Variants in SYNPR observed in about 807,000 individuals in gnomAD.
SYNPR encodes synaptoporin.
In SYNPR, 23 loss-of-function variants were observed where a neutral mutation model predicts 32.9. The observed-to-expected ratio is 0.70, with a 90% CI of 0.50 to 0.99. The LOEUF (loss-of-function observed/expected upper bound fraction) is 0.99, where lower values mean the gene tolerates loss of function less well. Ranked by LOEUF, SYNPR falls within the 50% of genes least tolerant of loss-of-function variation. The probability of loss-of-function intolerance (pLI) is 0.00; values close to 1 mark genes in which losing one functional copy is unlikely to be tolerated. For missense variants in SYNPR, 318 were observed against 349.3 expected (o/e 0.91, Z 0.71); for synonymous variants, 146 against 135.9 (o/e 1.07, Z -0.52).
At chr3:63,281,250 G>A (rs542070508) in intron 2 of SYNPR, among the ~76,000 whole-genome samples, 13 of 152,220 alleles carry the variant, frequency 8.5e-5, no homozygotes, top group Non-Finnish European at 1.3e-4. Flanking sequence ...ATTGTAAACC[G>A]GTAATGACAG....
At chr3:63,370,446 A>T (rs996913457) in intron 2 of SYNPR, among the ~76,000 whole-genome samples, 1 of 152,208 alleles carries the variant, frequency 6.6e-6, no homozygotes, top group Admixed American at 6.5e-5. Flanking sequence ...TGTGCCAATA[A>T]AGAATCTATT....
chr3:63,443,397 C>T, intron 2 of SYNPR: 1 of 1,590,706 alleles, frequency 6.3e-7, no homozygotes, highest in Non-Finnish European at 8.6e-7. Context: ...ATGAGACAAC[C>T]TCTATTTTCT....
intron 2 of SYNPR, among the ~76,000 whole-genome samples, chr3:63,334,993 G>C (rs930683843): frequency 1.3e-5 from 2 of 152,098 alleles, no homozygotes; most frequent in Non-Finnish European, 2.9e-5. Context: ...TGTTCTCTGG[G>C]GTACAGAGTC....
At chr3:63,414,182 G>A (rs1053673923) in intron 2 of SYNPR, among the ~76,000 whole-genome samples, 3 of 152,082 alleles carry the variant, frequency 2.0e-5, no homozygotes, top group Non-Finnish European at 4.4e-5. Context: ...AGGCAAAAAA[G>A]GCTTACAGTG....
chr3:63,285,016 C>G (rs532124791), intron 2 of SYNPR, among the ~76,000 whole-genome samples: 1 of 152,214 alleles, frequency 6.6e-6, no homozygotes, highest in Non-Finnish European at 1.5e-5. Context: ...CAACTTCATT[C>G]TCTTAAATGC....
intron 2 of SYNPR, among the ~76,000 whole-genome samples, chr3:63,338,066 A>G (rs1024160849): frequency 8.5e-5 from 13 of 152,202 alleles, no homozygotes; most frequent in Admixed American, 5.9e-4. Flanking sequence ...AATATACCAA[A>G]CCAATGGAAG....
chr3:63,442,164 A>AGTGTGTGTGTGTGTGT (rs34163380), intron 2 of SYNPR, among the ~76,000 whole-genome samples: 44 of 148,324 alleles, frequency 3.0e-4, no homozygotes, highest in African/African-American at 1.1e-3. Flanking sequence ...TGGTAGTGAT[A>AGTGTGTGTGTGTGTGT]GTGTGTGTGT....
chr3:63,479,228 T>A (rs936192501), intron 2 of SYNPR, among the ~76,000 whole-genome samples: 4 of 152,162 alleles, frequency 2.6e-5, no homozygotes, highest in Admixed American at 1.3e-4. Flanking sequence ...AATTTCCTAT[T>A]TTATGGCCTG....
At chr3:63,346,693 G>A (rs374478930) in intron 2 of SYNPR, among the ~76,000 whole-genome samples, 3 of 151,962 alleles carry the variant, frequency 2.0e-5, no homozygotes, top group Non-Finnish European at 2.9e-5. Flanking sequence ...AGACAGTCTT[G>A]ATCTCCTGAC....
At chr3:63,404,239 T>G (rs545100354) in intron 2 of SYNPR, among the ~76,000 whole-genome samples, 73 of 152,310 alleles carry the variant, frequency 4.8e-4, no homozygotes, top group Admixed American at 4.8e-3. Flanking sequence ...CTATTGGGAA[T>G]AGCTGGATCC....
chr3:63,264,771 C>A (rs537178640), intron 2 of SYNPR, among the ~76,000 whole-genome samples: 1 of 152,062 alleles, frequency 6.6e-6, no homozygotes, highest in Non-Finnish European at 1.5e-5. Flanking sequence ...ACAATCGTAG[C>A]GGAAGGCAAA....
chr3:63,420,351 A>G (rs1453291502), intron 2 of SYNPR, among the ~76,000 whole-genome samples: 3 of 152,234 alleles, frequency 2.0e-5, no homozygotes, highest in Non-Finnish European at 4.4e-5. Flanking sequence ...ACAGCAAGGT[A>G]TTGGTATAGC....
chr3:63,259,959 T>G (rs1236881922), intron 2 of SYNPR, among the ~76,000 whole-genome samples: 1 of 152,128 alleles, frequency 6.6e-6, no homozygotes, highest in Admixed American at 6.5e-5. Context: ...ATGAGTGAAC[T>G]CTCATTCACA....
chr3:63,417,264 T>C (rs879802135), intron 2 of SYNPR, among the ~76,000 whole-genome samples: 5 of 152,228 alleles, frequency 3.3e-5, no homozygotes, highest in Admixed American at 1.3e-4. Flanking sequence ...AGCTCCAAAA[T>C]GATCTCCTCC....
intron 1 of SYNPR, among the ~76,000 whole-genome samples, chr3:63,245,677 A>G (rs1242653163): frequency 2.3e-5 from 2 of 87,228 alleles, no homozygotes; most frequent in Admixed American, 2.5e-4. Context: ...AAGCTTTGTC[A>G]AGTGAGAGAG....
intron 2 of SYNPR, among the ~76,000 whole-genome samples, chr3:63,461,520 AC>A (rs1394402863): frequency 1.3e-5 from 2 of 151,940 alleles, no homozygotes; most frequent in East Asian, 3.9e-4. Flanking sequence ...ATCCCCACAA[AC>A]CACTGGTTCT....
chr3:63,317,491 CT>C (rs1196664602), intron 2 of SYNPR, among the ~76,000 whole-genome samples: 2 of 151,768 alleles, frequency 1.3e-5, no homozygotes, highest in African/African-American at 4.8e-5. Context: ...TATAATGTCC[CT>C]TTGTTTATTT....
At chr3:63,501,232 A>C (rs571822871) in intron 3 of SYNPR, among the ~76,000 whole-genome samples, 2 of 152,166 alleles carry the variant, frequency 1.3e-5, no homozygotes, top group Non-Finnish European at 2.9e-5. Flanking sequence ...TAATCTCAGC[A>C]CTTTTGGAGG....
At chr3:63,442,962 T>C (rs1700207659) in intron 2 of SYNPR, 2 of 943,394 alleles carry the variant, frequency 2.1e-6, no homozygotes, top group African/African-American at 3.5e-5. Flanking sequence ...AAACACAAAA[T>C]TCTGGCTTTA....
Sources: allele counts gnomAD v4.1 joint callset (sites outside exome capture counted in the v4.1 genomes callset), GRCh38; gene constraint gnomAD v4.1.1; transcripts MANE v1.5; gene names NCBI Gene and HGNC (gene_info 2026-07-23, HGNC 2026-07-21).